The following FOXP2 variants were observed in gnomAD, a reference collection of about 807,000 sequenced individuals.
FOXP2 encodes the protein forkhead box P2.
In FOXP2, 12 loss-of-function variants were observed where a neutral mutation model predicts 115.8. That is an observed-to-expected ratio of 0.10 (90% CI 0.07 to 0.17). The LOEUF is 0.17. FOXP2 is among the 10% of genes least tolerant of loss of function. The probability of loss-of-function intolerance (pLI) is 1.00; values close to 1 mark genes in which losing one functional copy is unlikely to be tolerated. For missense variants in FOXP2, 629 were observed against 843.5 expected (o/e 0.75, Z 3.15); for synonymous variants, 328 against 297.7 (o/e 1.10, Z -1.05).
At chr7:114,192,179 G>T (rs1408999711) in intron 1 of FOXP2, among the ~76,000 whole-genome samples, 2 of 152,116 alleles carry the variant, frequency 1.3e-5, no homozygotes, top group Non-Finnish European at 2.9e-5. Context: ...TAGAGACGGG[G>T]TTTCACCATG....
chr7:114,554,542 T>C (rs1800365773), intron 3 of FOXP2, among the ~76,000 whole-genome samples: 1 of 152,160 alleles, frequency 6.6e-6, no homozygotes, highest in Admixed American at 6.5e-5. Context: ...ATGACAATTC[T>C]GTATTATTTT....
At chr7:114,220,386 C>T (rs570303469) in intron 1 of FOXP2, among the ~76,000 whole-genome samples, 2 of 152,252 alleles carry the variant, frequency 1.3e-5, no homozygotes, top group Non-Finnish European at 2.9e-5. Flanking sequence ...TACATGGATT[C>T]ATGACTGGAA....
intron 16 of FOXP2, chr7:114,665,956 G>A (rs1031202504): frequency 2.0e-5 from 3 of 151,994 alleles, no homozygotes; most frequent in Non-Finnish European, 4.4e-5. Context: ...GGGCTAAATT[G>A]TAGCATTGTT....
rs1801929916 is a variant in FOXP2, at chr7:114,582,691, A to T, written c.259-45849A>T. Among the ~76,000 whole-genome samples the T allele has an allele frequency of 2.6e-5, 4 of 152,310 alleles. No homozygotes were observed. The South Asian group carries it at 8.3e-4, about 32-fold the overall frequency. On this transcript the variant is annotated intron_variant, in intron 3 of 16. Coordinates refer to ENST00000350908, the MANE Select transcript of FOXP2 (RefSeq NM_014491.4). ...ATAATATTAAGATTCTGAACTTTTT[A>T]AATAATTGGTTAATTTTTGGTAATT... is the stretch of plus-strand genomic sequence containing the variant.
chr7:114,340,330 A>G (rs1791171850), intron 2 of FOXP2, among the ~76,000 whole-genome samples: 1 of 151,030 alleles, frequency 6.6e-6, no homozygotes, highest in Non-Finnish European at 1.5e-5. Flanking sequence ...AAAAAGTATG[A>G]CTTATAATTA....
intron 2 of FOXP2, among the ~76,000 whole-genome samples, chr7:114,334,668 T>C (rs1327143984): frequency 2.0e-5 from 3 of 150,960 alleles, no homozygotes; most frequent in African/African-American, 7.3e-5. Context: ...AGAAACTGGG[T>C]TCAAATTTTA....
At chr7:114,521,583 C>CTT (rs1304784761) in intron 2 of FOXP2, among the ~76,000 whole-genome samples, 1 of 142,426 alleles carries the variant, frequency 7.0e-6, no homozygotes, top group East Asian at 2.1e-4. Flanking sequence ...AGAATGATTT[C>CTT]TTTTTATACT....
At chr7:114,375,085 T>C (rs1792108754) in intron 2 of FOXP2, among the ~76,000 whole-genome samples, 1 of 151,914 alleles carries the variant, frequency 6.6e-6, no homozygotes, top group Non-Finnish European at 1.5e-5. Flanking sequence ...CTTGGAATGG[T>C]ACGATTTTTG....
intron 2 of FOXP2, among the ~76,000 whole-genome samples, chr7:114,402,538 G>A (rs932060174): frequency 6.6e-5 from 10 of 152,046 alleles, no homozygotes; most frequent in Admixed American, 2.0e-4. Context: ...GGTGCTAGAC[G>A]ATGTTGTCTG....
At chr7:114,139,973 C>T (rs560109246) in intron 1 of FOXP2, among the ~76,000 whole-genome samples, 3 of 151,868 alleles carry the variant, frequency 2.0e-5, no homozygotes, top group African/African-American at 4.8e-5. Context: ...ATTAGCCAAG[C>T]GTGGTGGCAG....
chr7:114,376,212 T>A (rs1396613609), intron 2 of FOXP2, among the ~76,000 whole-genome samples: 2 of 152,118 alleles, frequency 1.3e-5, no homozygotes, highest in Non-Finnish European at 2.9e-5. Context: ...TGGTTAGAAG[T>A]CCAAAAGAAA....
At chr7:114,656,010 A>G (rs1360354038) in intron 10 of FOXP2, among the ~76,000 whole-genome samples, 1 of 152,188 alleles carries the variant, frequency 6.6e-6, no homozygotes, top group African/African-American at 2.4e-5. Flanking sequence ...GCTTCCCTTT[A>G]GTTAATAATA....
At chr7:114,460,319 G>C (rs144497947) in intron 2 of FOXP2, among the ~76,000 whole-genome samples, 38 of 152,268 alleles carry the variant, frequency 2.5e-4, no homozygotes, top group African/African-American at 8.4e-4. Context: ...CAAGCCTTCA[G>C]TTAAAAACTT....
In FOXP2 at chr7:114,165,104, T is replaced by A. The variant is rs183019847; in HGVS notation, c.-102+2016T>A. Among the ~76,000 whole-genome samples the A allele has an allele frequency of 2.8e-3, 433 of 152,230 alleles. 2 individuals carry two copies. The highest frequency in any genetic ancestry group is 1.0e-2 in the African/African-American group (414 of 41,522). On this transcript the variant is annotated intron_variant, in intron 1 of 17. Coordinates refer to the FOXP2 transcript ENST00000634411. ...ATAAATTGAGGTGGAGGTTCCAGAA[T>A]TTTCTGGTATGTTGGAAACATTCTG... is the stretch of plus-strand genomic sequence containing the variant.
intron 3 of FOXP2, among the ~76,000 whole-genome samples, chr7:114,548,918 G>A (rs150305262): frequency 7.9e-5 from 12 of 152,308 alleles, no homozygotes; most frequent in African/African-American, 2.6e-4. Context: ...AACAAGTTCA[G>A]AGCAGAAAAA....
At chr7:114,626,846 C>T (rs1584965597) in intron 3 of FOXP2, among the ~76,000 whole-genome samples, 1 of 151,610 alleles carries the variant, frequency 6.6e-6, no homozygotes, top group Admixed American at 6.6e-5. Context: ...ACTTGAAAAA[C>T]CCATTGGTGA....
upstream of FOXP2, chr7:114,086,443 G>A (rs1236759655): frequency 1.2e-5 from 4 of 341,324 alleles, no homozygotes; most frequent in Non-Finnish European, 2.3e-5. Flanking sequence ...TTTATGCGGC[G>A]GCCGCGTCCG....
intron 2 of FOXP2, among the ~76,000 whole-genome samples, chr7:114,470,265 T>C (rs1389380584): frequency 1.3e-5 from 2 of 152,148 alleles, no homozygotes; most frequent in Admixed American, 6.6e-5. Flanking sequence ...TTGTTCAAAA[T>C]CTTCCTTCTA....
intron 3 of FOXP2, among the ~76,000 whole-genome samples, chr7:114,594,806 CTTAG>C (rs2129310101): frequency 6.6e-6 from 1 of 152,084 alleles, no homozygotes; most frequent in South Asian, 2.1e-4. Flanking sequence ...TGAGATTTTA[CTTAG>C]TTTTTAAATG....
Sources: allele counts gnomAD v4.1 joint callset (sites outside exome capture counted in the v4.1 genomes callset), GRCh38; gene constraint gnomAD v4.1.1; transcripts MANE v1.5; gene names NCBI Gene and HGNC (gene_info 2026-07-23, HGNC 2026-07-21).